POLE: variants seen among roughly 807,000 people sequenced by gnomAD.
POLE encodes the protein DNA polymerase epsilon, catalytic subunit.
A neutral mutation model predicts 279.2 loss-of-function variants in POLE; 188 were observed. The observed-to-expected ratio is 0.67, with a 90% CI of 0.60 to 0.76. The LOEUF (loss-of-function observed/expected upper bound fraction) is 0.76. Among genes scored for constraint, POLE ranks in the 30% least tolerant of loss-of-function variants. POLE has a pLI of 0.00. For synonymous variants in POLE, 1,214 were observed against 1,172.5 expected, an observed-to-expected ratio of 1.04 and a Z score of -0.72; for missense variants, 2,703 against 3,016.7, an observed-to-expected ratio of 0.90 and a Z score of 2.44.
intron 1 of POLE, among the ~76,000 whole-genome samples, chr12:132,685,252 G>A (rs944146436): frequency 6.2e-5 from 9 of 144,650 alleles, no homozygotes; most frequent in Admixed American, 1.4e-4. Flanking sequence ...ACTACACACA[G>A]GCTCTCATTC....
chr12:132,636,755 C>T (rs1334762400), intron 41 of POLE, among the ~76,000 whole-genome samples: 1 of 151,762 alleles, frequency 6.6e-6, no homozygotes, highest in Non-Finnish European at 1.5e-5. Context: ...ACCCCATCTC[C>T]TAAAAAACAA....
intron 12 of POLE, among the ~76,000 whole-genome samples, chr12:132,674,466 C>T (rs576051080): frequency 6.6e-6 from 1 of 152,248 alleles, no homozygotes; most frequent in Admixed American, 6.5e-5. Flanking sequence ...ATGGGTGGGG[C>T]TTCCAGGCTA....
rs750863447 is a variant in POLE, at chr12:132,679,617, A to T, written c.458T>A (p.Ile153Asn). 1 of 1,612,834 alleles carries T rather than the reference A, an allele frequency of 6.2e-7. No individual in the cohort carries two copies. The highest frequency in any genetic ancestry group is 1.7e-5 in the Admixed American group (1 of 60,012). ...NHLVGLKRNY[I>N]RLSFHTVEDL... ...CTCCACAGTGTGGAAGGACAGCCTG[A>T]TGTAATTTCGCTTCAAACCCACCAA... The change falls in exon 6 of 49, where the codon ATC (isoleucine) becomes AAC (asparagine). Residue 153 changes from isoleucine (I) to asparagine (N), a missense_variant. This residue lies in a region of POLE where 1,011 missense variants were observed against 1,111.7 expected (regional missense o/e 0.91). Transcript: ENST00000320574.
At chr12:132,665,531 A>G (rs911355532) in intron 20 of POLE, 81 bp from the exon 21 acceptor site, 2 of 1,454,758 alleles carry the variant, frequency 1.4e-6, no homozygotes, top group Admixed American at 2.4e-5. Context: ...GGTTTTTAGT[A>G]TTTTGAAAAT....
chr12:132,638,300 A>G, intron 40 of POLE, 161 bp from the exon 41 acceptor site: 1 of 472,372 alleles, frequency 2.1e-6, no homozygotes, highest in Non-Finnish European at 3.5e-6. Context: ...AGATTTCTGC[A>G]TGGCAAAAAT....
chr12:132,640,726 A>G (rs1222723288), intron 39 of POLE, among the ~76,000 whole-genome samples: 1 of 152,234 alleles, frequency 6.6e-6, no homozygotes, highest in Non-Finnish European at 1.5e-5. Flanking sequence ...TCCCATTCCT[A>G]AAACTCCCTT....
intron 43 of POLE, chr12:132,633,890 C>A (rs41562617): frequency 4.5e-5 from 14 of 308,672 alleles, no homozygotes; most frequent in Non-Finnish European, 7.7e-5. Context: ...AATCAGATGG[C>A]GGGAGCAGAG....
chr12:132,677,846 T>C, intron 6 of POLE, 127 bp from the exon 7 acceptor site: 1 of 926,418 alleles, frequency 1.1e-6, no homozygotes, highest in East Asian at 2.5e-5. Flanking sequence ...GGTAAATTGA[T>C]GTGGTTTCAA....
chr12:132,686,878 G>A (rs1178316872), intron 1 of POLE, among the ~76,000 whole-genome samples: 1 of 88,722 alleles, frequency 1.1e-5, no homozygotes, highest in South Asian at 3.5e-4. Context: ...GCCCCTCCCC[G>A]CACCCTCCCC....
chr12:132,625,421 T>C (rs1432811344), intron 47 of POLE: 1 of 761,518 alleles, frequency 1.3e-6, no homozygotes. Flanking sequence ...CTCCTTCCGC[T>C]AGAACGAAGC....
chr12:132,664,474 C>G lies in POLE; in HGVS notation c.2469-12G>C. The G allele has an allele frequency of 6.2e-7, 1 of 1,610,124 alleles. No individual in the cohort carries two copies. Among genetic ancestry groups the G allele is most frequent in the South Asian group, 1.1e-5 (1 of 91,018 alleles). On this transcript the variant is annotated splice_polypyrimidine_tract_variant and intron_variant, in intron 21 of 48. Transcript: ENST00000320574. This position sits in a 1 kb window ranked among gnomAD's most constrained non-coding sequence, Gnocchi z 5.3. Reference sequence around the variant, plus strand: ...AGTACCAGCGAGCCCTGAGAGGACACCACAAACTGGTGGGTGGGGCTGGCA... The same window carrying G: ...AGTACCAGCGAGCCCTGAGAGGACAGCACAAACTGGTGGGTGGGGCTGGCA...
chr12:132,625,805 C>T (rs751374292), intron 46 of POLE, 35 bp from the exon 47 acceptor site: 1 of 1,600,320 alleles, frequency 6.2e-7, no homozygotes, highest in East Asian at 2.2e-5. Context: ...GTCACCAGCC[C>T]AGCCTCCAGA....
chr12:132,637,864 C>T (rs1033443126), intron 41 of POLE, 150 bp downstream of exon 41: 11 of 807,856 alleles, frequency 1.4e-5, no homozygotes, highest in Non-Finnish European at 2.1e-5. Context: ...GCGGTAACCC[C>T]CTTTTCACGC....
In POLE at chr12:132,675,688, C is replaced by T. The variant is rs2136010483; in HGVS notation, c.1106+47G>A. On this transcript the variant is annotated intron_variant, in intron 11 of 48. Transcript: ENST00000320574. This position sits in a 1 kb window ranked among gnomAD's most constrained non-coding sequence, Gnocchi z 4.3. ...GCGCCCCTGCACCACGCAACGCCCT[C>T]CCTCTCAAATGCTGCCCAGTTACTC... 2 of 1,581,460 alleles carry T rather than the reference C, an allele frequency of 1.3e-6. No homozygotes were observed. The highest frequency in any genetic ancestry group is 1.7e-6 in the Non-Finnish European group (2 of 1,150,766).
At chr12:132,624,831 A>G (rs2041797190) in intron 48 of POLE, 21 bp from the exon 49 acceptor site, 2 of 1,595,518 alleles carry the variant, frequency 1.3e-6, no homozygotes. Flanking sequence ...AAACAGGCAC[A>G]GTGAGACCCC....
At chr12:132,654,627 C>A (rs933223316) in intron 29 of POLE, among the ~76,000 whole-genome samples, 3 of 151,976 alleles carry the variant, frequency 2.0e-5, no homozygotes, top group African/African-American at 7.3e-5. Flanking sequence ...CTTGTCTCTA[C>A]AAAAAATTAC....
At chr12:132,624,863 A>G (rs777145520) in intron 48 of POLE, 42 bp downstream of exon 48, 1 of 1,161,160 alleles carries the variant, frequency 8.6e-7, no homozygotes, top group African/African-American at 1.8e-5. Flanking sequence ...AGAGGAGGCC[A>G]AGGAGGCCAG....
chr12:132,665,347 T>C lies in POLE; in HGVS notation c.2423A>G (p.His808Arg), dbSNP rs1060500854. ...ATAGAAGGAGTTCAGGATGCACTTG[T>C]GGGCCAGCTGCAGCGAGTCATACAG... ...EVLYDSLQLA[H>R]KCILNSFYGY... The change falls in exon 21 of 49, where the codon CAC becomes CGC. Residue 808 changes from histidine (H) to arginine (R), a missense_variant. Around this residue, in one of 5 missense-constraint regions of POLE, gnomAD observed 1,011 missense variants for 1,111.7 expected, o/e 0.91. Transcript: ENST00000320574. The C allele has an allele frequency of 1.2e-6, 2 of 1,614,042 alleles. No homozygotes were observed. Among genetic ancestry groups the C allele is most frequent in the Non-Finnish European group, 1.7e-6 (2 of 1,180,008 alleles).
At chr12:132,630,091 C>T (rs770882906) in intron 45 of POLE, among the ~76,000 whole-genome samples, 2 of 152,150 alleles carry the variant, frequency 1.3e-5, no homozygotes, top group African/African-American at 2.4e-5. Context: ...TCTATGCGCA[C>T]GGTTCATGGC....
Sources: gnomAD v4.1 joint callset for allele counts (sites outside exome capture counted in the v4.1 genomes callset) on GRCh38, gnomAD v4.1.1 for gene constraint, gnomAD v4.1.1 regional missense constraint, Gnocchi (gnomAD v3.1) non-coding constraint, MANE v1.5 for transcripts, NCBI Gene and HGNC (gene_info 2026-07-23, HGNC 2026-07-21) for gene names.